The following SLC12A6 variants were observed in gnomAD, a reference collection of about 807,000 sequenced individuals.
SLC12A6 encodes the protein K-Cl cotransporter 3.
A neutral mutation model predicts 135.3 loss-of-function variants in SLC12A6; 66 were observed. The observed-to-expected ratio is 0.49, with a 90% CI of 0.40 to 0.60. SLC12A6 has a LOEUF of 0.60. Ranked by LOEUF, SLC12A6 falls within the 20% of genes least tolerant of loss-of-function variation. The pLI is 0.00. For synonymous variants in SLC12A6, 513 were observed against 508.8 expected (o/e 1.01, Z -0.11); for missense variants, 1,058 against 1,452.3 (o/e 0.73, Z 4.41).
At position 34,229,946 on chromosome 15, in the gene SLC12A6, C is replaced by A; in HGVS notation, c.*3935G>T. 1 of 701,812 alleles carries A rather than the reference C, an allele frequency of 1.4e-6. No individual in the cohort carries two copies. The highest frequency in any genetic ancestry group is 2.5e-6 in the Non-Finnish European group (1 of 395,292). The allele number at this position is 701,812 out of a possible 1,614,324, so 43.5% of individuals were successfully genotyped here. On this transcript the variant is annotated 3_prime_UTR_variant, in exon 26 of 26. Coordinates refer to ENST00000354181, the MANE Select transcript of SLC12A6 (RefSeq NM_001365088.1). ...GGTGGGGTGACAGGTCCTAGAAGGA[C>A]AATGTGCATATTACGACAAACACAA...
chr15:34,295,824 C>A (rs1895840585), intron 2 of SLC12A6, among the ~76,000 whole-genome samples: 1 of 152,106 alleles, frequency 6.6e-6, no homozygotes, highest in Admixed American at 6.6e-5. Context: ...CATAGAGAAA[C>A]CCTATCTCTA....
At position 34,230,251 on chromosome 15, in the gene SLC12A6, G is replaced by C. The variant is rs943570071; in HGVS notation, c.*3630C>G. 6.1e-6 allele frequency: 1 copy of C among 162,906 alleles called. No homozygotes were observed. Among genetic ancestry groups the C allele is most frequent in the Non-Finnish European group, 1.3e-5 (1 of 75,556 alleles). The allele number at this position is 162,906 out of a possible 1,614,324, so 10.1% of individuals were successfully genotyped here. A position where few individuals can be genotyped will look rare whatever the true frequency, so the allele number is the denominator to read the frequency against. ...GTTGGGGATACCTGGGGGAAGATGT[G>C]AGAAACTAATGCTGAATTCAGCTTA... On this transcript the variant is annotated 3_prime_UTR_variant, in exon 26 of 26. Transcript: ENST00000354181.
chr15:34,247,607 T>C (rs1892085521), intron 13 of SLC12A6, among the ~76,000 whole-genome samples: 2 of 151,980 alleles, frequency 1.3e-5, no homozygotes, highest in Non-Finnish European at 2.9e-5. Context: ...GGTGTTGACC[T>C]ACTACCATGC....
At chr15:34,271,759 T>A (rs1267209210) in intron 3 of SLC12A6, among the ~76,000 whole-genome samples, 1 of 152,108 alleles carries the variant, frequency 6.6e-6, no homozygotes, top group African/African-American at 2.4e-5. Context: ...GTAGATACAT[T>A]AAAATAACTG....
At chr15:34,250,499 AG>A in intron 12 of SLC12A6, 131 bp downstream of exon 12, 1 of 825,476 alleles carries the variant, frequency 1.2e-6, no homozygotes. Flanking sequence ...TATATGAGGT[AG>A]GCAGATAATC....
intron 2 of SLC12A6, among the ~76,000 whole-genome samples, chr15:34,311,646 T>G (rs575630033): frequency 7.9e-5 from 12 of 152,294 alleles, no homozygotes; most frequent in Middle Eastern, 3.4e-3. Flanking sequence ...AGTCACTTAT[T>G]CACCAGCCTC....
At position 34,336,655 on chromosome 15, in the gene SLC12A6, T is replaced by C. The variant is rs1293177799; in HGVS notation, c.26A>G (p.Lys9Arg). Residue 9 changes from lysine (K) to arginine (R), a missense_variant, in exon 2 of 26, where the codon AAG becomes AGG. Around this residue, in one of 6 missense-constraint regions of SLC12A6, gnomAD observed 176 missense variants for 168.9 expected, o/e 1.04. Transcript: ENST00000354181. ...CACCATGAACCGAACTGAAGCCATC[T>C]TGGTGGTGGTTTCTGGAGGATGCAT... MHPPETTT[K>R]MASVRFMVTP... The C allele has an allele frequency of 6.2e-7, 1 of 1,614,132 alleles. No homozygotes were observed. Among genetic ancestry groups the C allele is most frequent in the African/African-American group, 1.3e-5 (1 of 75,052 alleles).
intron 19 of SLC12A6, 103 bp from the exon 20 acceptor site, chr15:34,239,263 C>T (rs1178819698): frequency 2.3e-6 from 2 of 861,450 alleles, no homozygotes; most frequent in African/African-American, 3.3e-5. Flanking sequence ...CCAAAGTCTT[C>T]ATAATACTAT....
At chr15:34,241,723 C>T (rs756278467) in intron 17 of SLC12A6, among the ~76,000 whole-genome samples, 2 of 152,136 alleles carry the variant, frequency 1.3e-5, no homozygotes, top group Admixed American at 6.5e-5. Context: ...AATGTTATTT[C>T]GTCCTCATTT....
chr15:34,234,056 T>C (rs1228148378), intron 25 of SLC12A6, 84 bp from the exon 26 acceptor site: 7 of 786,110 alleles, frequency 8.9e-6, no homozygotes, highest in African/African-American at 5.0e-5. Flanking sequence ...TATCTGATCA[T>C]AGAGCTACAA....
At chr15:34,243,047 C>A (rs149274579) in intron 16 of SLC12A6, among the ~76,000 whole-genome samples, 1 of 152,040 alleles carries the variant, frequency 6.6e-6, no homozygotes, top group Admixed American at 6.5e-5. Flanking sequence ...GCATGTGCCA[C>A]CATGCCCGGC....
rs2141213476 is a variant in SLC12A6 at position 34,336,645 on chromosome 15, T to C, written c.36A>G (p.Ser12=). Residue 12 remains serine (S), a synonymous_variant, in exon 2 of 26, where the codon TCA becomes TCG. Transcript: ENST00000354181. ...TTGTCGGTGTCACCATGAACCGAAC[T>C]GAAGCCATCTTGGTGGTGGTTTCTG... ...HPPETTTKMA[S]VRFMVTPTKI... is the part of the protein sequence containing the mutation. The C allele has an allele frequency of 6.2e-7, 1 of 1,614,066 alleles. No homozygotes were observed. Among genetic ancestry groups the C allele is most frequent in the Non-Finnish European group, 8.5e-7 (1 of 1,179,906 alleles).
rs1216628215 is a variant in SLC12A6, at chr15:34,230,227, T to C, written c.*3654A>G. 2 of 167,564 alleles carry C rather than the reference T, an allele frequency of 1.2e-5. No homozygotes were observed. Among genetic ancestry groups the C allele is most frequent in the East Asian group, 3.5e-4 (2 of 5,772 alleles). 10.4% of individuals were successfully genotyped at this position (167,564 alleles called of 1,614,324 possible). A position where few individuals can be genotyped will look rare whatever the true frequency, so the allele number is the denominator to read the frequency against. On this transcript the variant is annotated 3_prime_UTR_variant, in exon 26 of 26. Transcript: ENST00000354181. ...TACAAGCTGGGACATAAAAATTCTG[T>C]TGGGGATACCTGGGGGAAGATGTGA...
intron 13 of SLC12A6, among the ~76,000 whole-genome samples, chr15:34,249,585 AG>A (rs1215589617): frequency 6.6e-6 from 1 of 152,124 alleles, no homozygotes; most frequent in African/African-American, 2.4e-5. Flanking sequence ...TAAGTAGAAA[AG>A]AAAAGAAGAG....
At chr15:34,322,466 CATAATTATATGAATTCTAATTT>C (rs1889163668) in intron 2 of SLC12A6, among the ~76,000 whole-genome samples, 1 of 152,056 alleles carries the variant, frequency 6.6e-6, no homozygotes, top group Admixed American at 6.5e-5. Context: ...AATTCTAATT[CATAATTATATGAATTCTAATTT>C]ATAATTCATA....
In SLC12A6 at chr15:34,231,343, C is replaced by G. The variant is rs898038131; in HGVS notation, c.*2538G>C. ...TGCCATTTCACTCCAGCCTGGGCAA[C>G]AAGAGCGAAACTACGTCTCGGAAAA... On this transcript the variant is annotated 3_prime_UTR_variant, in exon 26 of 26. Transcript: ENST00000354181. 6.9e-6 allele frequency: 1 copy of G among 145,762 alleles called. No individual in the cohort carries two copies. The highest frequency in any genetic ancestry group is 2.6e-5 in the African/African-American group (1 of 38,600). 9.0% of individuals were successfully genotyped at this position (145,762 alleles called of 1,614,324 possible). A position where few individuals can be genotyped will look rare whatever the true frequency, so the allele number is the denominator to read the frequency against.
intron 3 of SLC12A6, among the ~76,000 whole-genome samples, chr15:34,263,176 T>C (rs556603437): frequency 1.1e-4 from 17 of 152,208 alleles, no homozygotes; most frequent in African/African-American, 4.1e-4. Flanking sequence ...TCCTAGAACT[T>C]TGGGAGGCCC....
intron 2 of SLC12A6, among the ~76,000 whole-genome samples, chr15:34,301,029 C>T (rs540813610): frequency 3.3e-5 from 5 of 152,120 alleles, no homozygotes; most frequent in South Asian, 2.1e-4. Flanking sequence ...AGTGCAATGG[C>T]GCGATCTCGG....
intron 2 of SLC12A6, among the ~76,000 whole-genome samples, chr15:34,302,957 C>CA (rs35647149): frequency 0.02 from 1,624 of 82,734 alleles, 29 homozygotes; most frequent in Non-Finnish European, 0.03. Flanking sequence ...GACCCTGTCT[C>CA]AAAAAAAAAA....
Sources: allele counts gnomAD v4.1 joint callset (sites outside exome capture counted in the v4.1 genomes callset), GRCh38; gene constraint gnomAD v4.1.1; regional missense constraint gnomAD v4.1.1; transcripts MANE v1.5; gene names NCBI Gene and HGNC (gene_info 2026-07-23, HGNC 2026-07-21).